The following CRLF1 variants were observed in gnomAD, a reference collection of about 807,000 sequenced individuals.
CRLF1 encodes the protein cytokine receptor-like factor 1.
A neutral mutation model predicts 48.9 loss-of-function variants in CRLF1; 36 were observed. The observed-to-expected ratio is 0.74, with a 90% CI of 0.56 to 0.97. The LOEUF is 0.97. CRLF1 is among the 50% of genes least tolerant of loss of function. The probability of loss-of-function intolerance (pLI) is 0.00; values close to 1 mark genes in which losing one functional copy is unlikely to be tolerated. For missense variants in CRLF1, 534 were observed against 575.1 expected, an observed-to-expected ratio of 0.93 and a Z score of 0.73; for synonymous variants, 256 against 253.4, an observed-to-expected ratio of 1.01 and a Z score of -0.10.
chr19:18,598,264 C>CT (rs1237125470), intron 4 of CRLF1, among the ~76,000 whole-genome samples, 168 bp downstream of exon 4: 1 of 152,194 alleles, frequency 6.6e-6, no homozygotes, highest in Non-Finnish European at 1.5e-5. Flanking sequence ...GGATGCTCAG[C>CT]TACTTACCTA....
At chr19:18,604,647 G>A (rs1976266295) in intron 1 of CRLF1, among the ~76,000 whole-genome samples, 1 of 152,116 alleles carries the variant, frequency 6.6e-6, no homozygotes, top group African/African-American at 2.4e-5. Context: ...TAAGGCGCTG[G>A]GGACAGAGAT....
chr19:18,605,760 A>G (rs1376404534), intron 1 of CRLF1, among the ~76,000 whole-genome samples: 1 of 152,124 alleles, frequency 6.6e-6, no homozygotes. Flanking sequence ...GCCTGAGGCC[A>G]GAAGTCCCTC....
Position 18,596,782 on chromosome 19 carries a change from G to A in CRLF1, c.864C>T (p.Asp288=), listed in dbSNP as rs1976140572. The A allele has an allele frequency of 1.9e-6, 3 of 1,613,926 alleles. No individual in the cohort carries two copies. In the South Asian group the frequency reaches 3.3e-5, roughly 18 times the overall value. ...VEDSVDWKVV[D]DVSNQTSCRL... is the part of the protein sequence containing the mutation. ...GGCAGGAGGTCTGGTTGCTCACATC[G>A]TCCACCACCTGGACAGTGAGGACAA... Residue 288 remains aspartate, a synonymous_variant, in exon 6 of 9, where the codon GAC becomes GAT. Coordinates refer to ENST00000392386, the MANE Select transcript of CRLF1 (RefSeq NM_004750.5).
chr19:18,604,284 G>A (rs546914737), intron 1 of CRLF1, among the ~76,000 whole-genome samples: 40 of 152,268 alleles, frequency 2.6e-4, no homozygotes, highest in African/African-American at 9.6e-4. Context: ...GGGCGGCGAC[G>A]GGTTGTAGGG....
At chr19:18,594,030 G>GCGGGGGGGGCCCCCCCCCCC in intron 8 of CRLF1, 35 bp downstream of exon 8, 1 of 1,315,308 alleles carries the variant, frequency 7.6e-7, no homozygotes, top group Non-Finnish European at 1.1e-6. Flanking sequence ...CCCTCCCCTT[G>GCGGGGGGGGCCCCCCCCCCC]CTCCCTCCCG....
chr19:18,601,600 C>A (rs1228264174), intron 1 of CRLF1, among the ~76,000 whole-genome samples: 1 of 151,936 alleles, frequency 6.6e-6, no homozygotes, highest in Non-Finnish European at 1.5e-5. Flanking sequence ...GTCCAAGAAT[C>A]GCCATGTTGG....
intron 6 of CRLF1, among the ~76,000 whole-genome samples, chr19:18,595,270 A>T (rs1232782389): frequency 6.6e-6 from 1 of 152,162 alleles, no homozygotes; most frequent in East Asian, 1.9e-4. Flanking sequence ...GCTCCTGTGC[A>T]AGAATCGCAG....
intron 4 of CRLF1, among the ~76,000 whole-genome samples, chr19:18,597,575 G>A (rs1213761648): frequency 1.3e-5 from 2 of 150,836 alleles, no homozygotes; most frequent in African/African-American, 2.4e-5. Context: ...GACTACAGGC[G>A]CCCGCCACTA....
At chr19:18,594,032 T>TGGGGGCGCC in intron 8 of CRLF1, 33 bp downstream of exon 8, 3 of 695,806 alleles carry the variant, frequency 4.3e-6, no homozygotes, top group Non-Finnish European at 4.4e-6. Flanking sequence ...CTCCCCTTGC[T>TGGGGGCGCC]CCCTCCCGCC....
rs555230753 is a variant in CRLF1, at chr19:18,601,734, G to A, written c.116-1888C>T. On this transcript the variant is annotated intron_variant, in intron 1 of 8. Coordinates refer to ENST00000392386, the MANE Select transcript of CRLF1 (RefSeq NM_004750.5). Reference sequence around the variant, plus strand: ...GCACCATTTATTGAGCACTTGTTGTGTTCTGAATACTGGGCTAAGACTACC... The same window carrying A: ...GCACCATTTATTGAGCACTTGTTGTATTCTGAATACTGGGCTAAGACTACC... 3.3e-5 allele frequency among the ~76,000 whole-genome samples: 5 copies of A among 152,264 alleles called. No homozygotes were observed. In the East Asian group the frequency reaches 9.6e-4, roughly 29 times the overall value.
At chr19:18,598,135 C>G (rs1056430931) in intron 4 of CRLF1, among the ~76,000 whole-genome samples, 6 of 152,166 alleles carry the variant, frequency 3.9e-5, no homozygotes, top group Non-Finnish European at 8.8e-5. Context: ...GCGCCCCCTC[C>G]CCTCTCCCCA....
chr19:18,595,453 C>T (rs1017694027), intron 6 of CRLF1, among the ~76,000 whole-genome samples: 3 of 152,238 alleles, frequency 2.0e-5, no homozygotes, highest in Non-Finnish European at 4.4e-5. Flanking sequence ...TATCATCTCA[C>T]GAGCCAGAGT....
chr19:18,594,030 G>GGGTGGGCC, intron 8 of CRLF1, 35 bp downstream of exon 8: 2 of 1,315,310 alleles, frequency 1.5e-6, no homozygotes, highest in Non-Finnish European at 2.1e-6. Context: ...CCCTCCCCTT[G>GGGTGGGCC]CTCCCTCCCG....
chr19:18,594,032 T>TTCCCCCCCC, intron 8 of CRLF1, 33 bp downstream of exon 8: 2 of 695,814 alleles, frequency 2.9e-6, no homozygotes, highest in Non-Finnish European at 4.4e-6. Context: ...CTCCCCTTGC[T>TTCCCCCCCC]CCCTCCCGCC....
intron 4 of CRLF1, among the ~76,000 whole-genome samples, chr19:18,598,152 C>T (rs1253363040): frequency 2.6e-5 from 4 of 152,176 alleles, no homozygotes; most frequent in African/African-American, 9.7e-5. Flanking sequence ...CCCAGGGCCC[C>T]CTCCTGCACA....
intron 6 of CRLF1, among the ~76,000 whole-genome samples, chr19:18,596,337 G>T (rs867891237): frequency 1.3e-5 from 2 of 152,094 alleles, no homozygotes; most frequent in African/African-American, 4.8e-5. Context: ...TCAGGAGTTC[G>T]AGACCAGCCT....
In CRLF1 at chr19:18,594,395, C is replaced by G. The variant is rs776416499; in HGVS notation, c.1064G>C (p.Gly355Ala). 6.3e-7 allele frequency: 1 copy of G among 1,576,258 alleles called. No homozygotes were observed. Among genetic ancestry groups the G allele is most frequent in the South Asian group, 1.1e-5 (1 of 87,946 alleles). The change falls in exon 7 of 9, where the codon GGC becomes GCC. Residue 355 changes from glycine (G) to alanine (A), a missense_variant. Physicochemically the swap from Gly to Ala is moderately conservative, Grantham distance 60. Coordinates refer to ENST00000392386, the MANE Select transcript of CRLF1 (RefSeq NM_004750.5). Reference protein sequence around the residue: ...GPGGGACEPRGGEPSSGPVRR... With the variant: ...GPGGGACEPRAGEPSSGPVRR... ...CACCGGCCCCGAGCTCGGCTCTCCG[C>G]CCCGCGGTTCGCACGCCCCGCCGCC...
chr19:18,593,567 T>C lies in CRLF1; in HGVS notation c.1268A>G (p.Ter423=), dbSNP rs1395889132. 1.2e-6 allele frequency: 2 copies of C among 1,610,386 alleles called. No homozygotes were observed. Among genetic ancestry groups the C allele is most frequent in the Non-Finnish European group, 1.7e-6 (2 of 1,178,804 alleles). ...GAGGGTGGCCTGAGCCCCTACAGCTTATCTGGCAGGACCTGCAGGCAGAGG... is the reference window on the plus strand; with the variant it reads ...GAGGGTGGCCTGAGCCCCTACAGCTCATCTGGCAGGACCTGCAGGCAGAGG... ...RRGTARGPAR[*] Residue 423 remains the stop codon, a stop_retained_variant, in exon 9 of 9, where the codon TAA becomes TGA. Coordinates refer to ENST00000392386, the MANE Select transcript of CRLF1 (RefSeq NM_004750.5).
Position 18,606,723 on chromosome 19 carries a change from G to A in CRLF1, c.-67C>T, listed in dbSNP as rs1415899660. 5.4e-5 allele frequency: 11 copies of A among 202,486 alleles called. No individual in the cohort carries two copies. Among genetic ancestry groups the A allele is most frequent in the South Asian group, 1.7e-4 (1 of 6,006 alleles). 12.5% of individuals were successfully genotyped at this position (202,486 alleles called of 1,614,324 possible). ...GCGGCGGTGGCGCAGGGCGCGGGACGCAGGCCGGGCGCGGGAGGGCGCGGG... is the reference window on the plus strand; with the variant it reads ...GCGGCGGTGGCGCAGGGCGCGGGACACAGGCCGGGCGCGGGAGGGCGCGGG... On this transcript the variant is annotated 5_prime_UTR_variant, in exon 1 of 9. Coordinates refer to ENST00000392386, the MANE Select transcript of CRLF1 (RefSeq NM_004750.5). This position sits in a 1 kb window ranked among gnomAD's most constrained non-coding sequence, Gnocchi z 4.8.
Sources: allele counts gnomAD v4.1 joint callset (sites outside exome capture counted in the v4.1 genomes callset), GRCh38; gene constraint gnomAD v4.1.1; non-coding constraint Gnocchi (gnomAD v3.1); transcripts MANE v1.5; gene names NCBI Gene and HGNC (gene_info 2026-07-23, HGNC 2026-07-21).